Variants in ADGRG1 observed in about 807,000 individuals in gnomAD.
ADGRG1 encodes adhesion G protein-coupled receptor G1, also known as 7-transmembrane protein with no EGF-like N-terminal domains-1.
Under a neutral mutation model 73.5 loss-of-function variants are expected in ADGRG1, and 53 were observed. The ratio of observed to expected loss-of-function variants is 0.72; its 90% confidence interval spans 0.58 to 0.91. The LOEUF (loss-of-function observed/expected upper bound fraction) is 0.91. Among genes scored for constraint, ADGRG1 ranks in the 40% least tolerant of loss-of-function variants. The probability of loss-of-function intolerance (pLI) is 0.00; values close to 1 mark genes in which losing one functional copy is unlikely to be tolerated. For missense variants in ADGRG1, 795 were observed against 871.8 expected (o/e 0.91, Z 1.11); for synonymous variants, 394 against 374.4 (o/e 1.05, Z -0.60).
At chr16:57,648,782 C>T in intron 1 of ADGRG1, 1 of 891,104 alleles carries the variant, frequency 1.1e-6, no homozygotes, top group Non-Finnish European at 1.3e-6. Flanking sequence ...CCCAGCTCTG[C>T]CACAGGGCCG....
intron 13 of ADGRG1, among the ~76,000 whole-genome samples, chr16:57,662,674 C>T (rs575608724): frequency 1.2e-4 from 18 of 151,942 alleles, no homozygotes; most frequent in African/African-American, 3.9e-4. Context: ...TGAGGGAGAG[C>T]GTGGCCAGAT....
intron 1 of ADGRG1, chr16:57,631,218 G>C (rs2037800201): frequency 1.0e-6 from 1 of 987,148 alleles, no homozygotes; most frequent in Admixed American, 6.1e-5. Context: ...GCTGCAGCAG[G>C]GTTGGTGTAG....
At chr16:57,636,156 A>G (rs1417649792) in intron 1 of ADGRG1, 1 of 985,140 alleles carries the variant, frequency 1.0e-6, no homozygotes, top group Admixed American at 6.2e-5. Flanking sequence ...TTTTCTTTGC[A>G]CATCTGCTAC....
chr16:57,662,771 T>G (rs1397111346), intron 13 of ADGRG1, among the ~76,000 whole-genome samples: 1 of 152,130 alleles, frequency 6.6e-6, no homozygotes, highest in Non-Finnish European at 1.5e-5. Flanking sequence ...TTTCTGTGCA[T>G]GTACCTGTGT....
intron 7 of ADGRG1, 37 bp downstream of exon 7, chr16:57,656,029 C>T (rs1159087236): frequency 3.1e-6 from 5 of 1,613,840 alleles, no homozygotes; most frequent in Non-Finnish European, 4.2e-6. Flanking sequence ...ACAAGCGCCC[C>T]TCGGCCATGT....
chr16:57,657,294 G>C (rs545968389), intron 9 of ADGRG1, 79 bp from the exon 10 acceptor site: 1 of 1,606,216 alleles, frequency 6.2e-7, no homozygotes, highest in South Asian at 1.1e-5. Flanking sequence ...GGGACCCCAG[G>C]TTAGCCCCTC....
intron 1 of ADGRG1, chr16:57,646,764 C>A: frequency 1.1e-6 from 1 of 928,268 alleles, no homozygotes; most frequent in Non-Finnish European, 1.3e-6. Context: ...TCAGTGTCCG[C>A]ATCTGTAAAA....
chr16:57,646,938 C>T lies in ADGRG1; in HGVS notation c.-35-3315C>T, dbSNP rs998134519. ...AGAGGCAGGGCCCTTGCCTGTGGGG[C>T]CGTGGTTGGTACTGAGCGCCTGATG... On this transcript the variant is annotated intron_variant, in intron 1 of 13. Transcript: ENST00000562631. 9.1e-6 allele frequency: 9 copies of T among 985,136 alleles called. No individual in the cohort carries two copies. In the African/African-American group the frequency reaches 1.6e-4, roughly 17 times the overall value. 61.0% of individuals were successfully genotyped at this position (985,136 alleles called of 1,614,324 possible). A position where few individuals can be genotyped will look rare whatever the true frequency, so the allele number is the denominator to read the frequency against.
rs1242202404 is a variant in ADGRG1 at position 57,660,782 on chromosome 16, C to T, written c.1570C>T (p.Leu524=). ...GCCACCCTCAGGCTTCCCCATCTTT[C>T]TGGTGACGCTGGTGGCCCTGGTGGA... ...SAMGWGFPIF[L]VTLVALVDVD... The change falls in exon 12 of 14, where the codon CTG becomes TTG. Residue 524 remains leucine (L), a synonymous_variant. Coordinates refer to ENST00000562631, the MANE Select transcript of ADGRG1 (RefSeq NM_201525.4). 6.2e-7 allele frequency: 1 copy of T among 1,611,206 alleles called. No individual in the cohort carries two copies. Among genetic ancestry groups the T allele is most frequent in the Non-Finnish European group, 8.5e-7 (1 of 1,177,572 alleles).
chr16:57,629,943 G>A, intron 1 of ADGRG1: 1 of 943,700 alleles, frequency 1.1e-6, no homozygotes, highest in Non-Finnish European at 1.3e-6. Context: ...GGAGGGGATG[G>A]GTCAAGGCAG....
At chr16:57,644,978 AC>A (rs771847454) in intron 1 of ADGRG1, 47 of 693,800 alleles carry the variant, frequency 6.8e-5, no homozygotes, top group Non-Finnish European at 8.1e-5. Context: ...ATGGGCACAC[AC>A]CCCCATGCAC....
At chr16:57,627,196 C>T (rs1249783232), upstream of ADGRG1, 1 of 572,682 alleles carries the variant, frequency 1.7e-6, no homozygotes, top group African/African-American at 2.0e-5. Context: ...CTGCAGCAGC[C>T]CTGGCTCCTA....
Position 57,657,739 on chromosome 16 carries a change from TTTA to T in ADGRG1, c.1286+260_1286+262del, listed in dbSNP as rs199987429. On this transcript the variant is annotated intron_variant, in intron 10 of 13. Coordinates refer to ENST00000562631, the MANE Select transcript of ADGRG1 (RefSeq NM_201525.4). The stretch of plus-strand genomic sequence containing the variant: ...TGTATTTATTTATTTTTATTTTTAT[TTTA>T]TTATTATTATTTTTTTGAGACAGAG... Among the ~76,000 whole-genome samples, 1,635 of 152,094 alleles carry T rather than the reference TTTA, an allele frequency of 0.011. 27 individuals are homozygous for T. Among genetic ancestry groups the T allele is most frequent in the African/African-American group, 0.036 (1,497 of 41,484 alleles).
At chr16:57,651,705 C>A (rs2044143783) in intron 3 of ADGRG1, 83 bp downstream of exon 3, 1 of 1,521,494 alleles carries the variant, frequency 6.6e-7, no homozygotes, top group Non-Finnish European at 8.9e-7. Flanking sequence ...ACTGGGCTCA[C>A]AATATCAGAT....
chr16:57,631,176 G>C (rs2037791450), intron 1 of ADGRG1: 1 of 986,380 alleles, frequency 1.0e-6, no homozygotes, highest in Non-Finnish European at 1.2e-6. Flanking sequence ...GTGGCGCCCA[G>C]TCGAGGGGAA....
intron 1 of ADGRG1, chr16:57,641,760 T>A: frequency 5.7e-6 from 1 of 174,986 alleles, no homozygotes; most frequent in Non-Finnish European, 1.1e-5. Flanking sequence ...AGATAGGGTT[T>A]CACTGTGTTG....
chr16:57,635,043 C>A, intron 1 of ADGRG1: 1 of 985,198 alleles, frequency 1.0e-6, no homozygotes, highest in South Asian at 4.7e-5. Flanking sequence ...GGGAGAGGGA[C>A]CCAGCTGAAG....
At chr16:57,635,202 C>T in intron 1 of ADGRG1, 1 of 985,386 alleles carries the variant, frequency 1.0e-6, no homozygotes, top group Non-Finnish European at 1.2e-6. Context: ...CCCCTGCCCC[C>T]CACCTGCCTA....
At chr16:57,630,617 C>T (rs911440401) in intron 1 of ADGRG1, 22 of 714,058 alleles carry the variant, frequency 3.1e-5, no homozygotes, top group Non-Finnish European at 3.4e-5. Context: ...TGGGCAAGGG[C>T]CAGTCAGCCT....
Sources: allele counts gnomAD v4.1 joint callset (sites outside exome capture counted in the v4.1 genomes callset), GRCh38; gene constraint gnomAD v4.1.1; transcripts MANE v1.5; gene names NCBI Gene and HGNC (gene_info 2026-07-23, HGNC 2026-07-21).